The following ZBBX variants were observed in gnomAD, a reference collection of about 807,000 sequenced individuals.
ZBBX encodes zinc finger B-box domain containing.
In ZBBX, 101 loss-of-function variants were observed where a neutral mutation model predicts 108.5. That is an observed-to-expected ratio of 0.93 (90% confidence interval 0.79 to 1.10). The LOEUF is 1.10. ZBBX is among the 50% of genes least tolerant of loss of function. The pLI is 0.00. For synonymous variants in ZBBX, 356 were observed against 323.4 expected, an observed-to-expected ratio of 1.10 and a Z score of -1.08; for missense variants, 1,009 against 941.4, an observed-to-expected ratio of 1.07 and a Z score of -0.94.
chr3:167,386,411 T>C (rs1747924198), intron 1 of ZBBX, among the ~76,000 whole-genome samples: 1 of 152,040 alleles, frequency 6.6e-6, no homozygotes, highest in South Asian at 2.1e-4. Context: ...AGTAACTTTC[T>C]TTATAAGGAA....
At chr3:167,313,117 A>C (rs1734874089) in intron 16 of ZBBX, among the ~76,000 whole-genome samples, 1 of 152,202 alleles carries the variant, frequency 6.6e-6, no homozygotes, top group South Asian at 2.1e-4. Context: ...AAATGGAAAC[A>C]AAATCTGACT....
chr3:167,339,763 T>A (rs940137031), intron 9 of ZBBX, among the ~76,000 whole-genome samples: 5 of 152,126 alleles, frequency 3.3e-5, no homozygotes, highest in Non-Finnish European at 5.9e-5. Flanking sequence ...CAACCCATCA[T>A]CTAGGTTTTA....
intron 11 of ZBBX, among the ~76,000 whole-genome samples, chr3:167,325,895 CTAAAGT>C (rs1380721504): frequency 2.6e-5 from 4 of 152,116 alleles, no homozygotes; most frequent in Non-Finnish European, 4.4e-5. Context: ...ACCAAACTGG[CTAAAGT>C]TAAAGAACCA....
chr3:167,381,597 G>A (rs1417361741), upstream of ZBBX, among the ~76,000 whole-genome samples: 5 of 152,160 alleles, frequency 3.3e-5, no homozygotes, highest in African/African-American at 1.2e-4. Context: ...TCAGGTGGAT[G>A]TGCGATACTA....
chr3:167,192,744 T>G, the ZBBX span, among the ~76,000 whole-genome samples: 139 of 152,330 alleles, frequency 9.1e-4, no homozygotes, highest in African/African-American at 3.3e-3. Flanking sequence ...TGATCTTTTC[T>G]GCTGTTAAGA....
chr3:167,356,125 G>A (rs570283226), intron 8 of ZBBX, among the ~76,000 whole-genome samples: 16 of 152,032 alleles, frequency 1.1e-4, no homozygotes, highest in Middle Eastern at 3.2e-3. Flanking sequence ...TGTATAATTC[G>A]TTTTCAGATC....
chr3:167,405,137 G>A (rs1748544818), intron 1 of ZBBX, among the ~76,000 whole-genome samples: 1 of 152,098 alleles, frequency 6.6e-6, no homozygotes, highest in Non-Finnish European at 1.5e-5. Flanking sequence ...GCTCTCTTTT[G>A]GACACTTTTG....
At chr3:167,365,564 G>A (rs1312097191) in intron 6 of ZBBX, among the ~76,000 whole-genome samples, 1 of 151,566 alleles carries the variant, frequency 6.6e-6, no homozygotes, top group East Asian at 1.9e-4. Flanking sequence ...AATAACAATA[G>A]CTTTCACCTT....
rs529119342 is a variant in ZBBX, at chr3:167,297,320, T to C, written c.1879+985A>G. ...GAAAGGTCTTTTCAACAAATGGTGC[T>C]GGAAAACTTGATATCCATACGCAAA... On this transcript the variant is annotated intron_variant, in intron 18 of 21. Transcript: ENST00000675490. Among the ~76,000 whole-genome samples the C allele has an allele frequency of 1.1e-4, 16 of 152,134 alleles. No individual in the cohort carries two copies. In the East Asian group the frequency reaches 1.2e-3, roughly 11 times the overall value.
downstream of ZBBX, among the ~76,000 whole-genome samples, chr3:167,239,617 T>C (rs1481930788): frequency 6.6e-6 from 1 of 152,118 alleles, no homozygotes; most frequent in African/African-American, 2.4e-5. Context: ...ACATATAACA[T>C]ACAAAATATG....
chr3:167,209,838 C>T, the ZBBX span, among the ~76,000 whole-genome samples: 8 of 152,146 alleles, frequency 5.3e-5, no homozygotes, highest in African/African-American at 1.9e-4. Flanking sequence ...ACCTGTAATC[C>T]CAGCACTTTG....
chr3:167,378,895 C>T (rs1747376572), intron 2 of ZBBX, among the ~76,000 whole-genome samples: 1 of 152,254 alleles, frequency 6.6e-6, no homozygotes, highest in East Asian at 1.9e-4. Flanking sequence ...GTTTATTAAA[C>T]TCATTTGCTA....
intron 9 of ZBBX, among the ~76,000 whole-genome samples, chr3:167,348,348 G>GAAAGAAAGAAAGAA (rs1741971044): frequency 9.4e-6 from 1 of 106,112 alleles, no homozygotes; most frequent in African/African-American, 3.8e-5. Flanking sequence ...AAGAAAGAAA[G>GAAAGAAAGAAAGAA]AAAGAAAGAA....
chr3:167,354,480 T>TTA (rs1259242328), intron 8 of ZBBX, among the ~76,000 whole-genome samples: 3 of 151,822 alleles, frequency 2.0e-5, no homozygotes, highest in Non-Finnish European at 4.4e-5. Context: ...GATGGAATTT[T>TTA]TACTTAATCT....
At chr3:167,218,113 A>C in the ZBBX span, among the ~76,000 whole-genome samples, 1 of 152,060 alleles carries the variant, frequency 6.6e-6, no homozygotes, top group African/African-American at 2.4e-5. Flanking sequence ...TTGAAGTGAG[A>C]GGGTGGGAGG....
At chr3:167,331,731 A>G (rs1425599544) in intron 10 of ZBBX, 2 of 405,044 alleles carry the variant, frequency 4.9e-6, no homozygotes, top group Non-Finnish European at 6.7e-6. Context: ...TCAATGCTGT[A>G]CATTCATTAC....
intron 11 of ZBBX, 130 bp downstream of exon 11, chr3:167,327,812 G>C (rs1026296373): frequency 3.3e-6 from 3 of 908,370 alleles, no homozygotes; most frequent in Non-Finnish European, 4.8e-6. Context: ...TACTCAGAAG[G>C]CTGAGGCAGG....
At chr3:167,394,615 C>T (rs1748175147) in intron 1 of ZBBX, among the ~76,000 whole-genome samples, 1 of 151,652 alleles carries the variant, frequency 6.6e-6, no homozygotes, top group Non-Finnish European at 1.5e-5. Flanking sequence ...TCCTCTGAGA[C>T]AAAAGGTTAC....
chr3:167,330,548 T>C (rs1337849552), intron 10 of ZBBX, among the ~76,000 whole-genome samples: 1 of 151,946 alleles, frequency 6.6e-6, no homozygotes, highest in Non-Finnish European at 1.5e-5. Context: ...TGAGGTTAAA[T>C]GAGATTATGA....
Sources: gnomAD v4.1 joint callset for allele counts (sites outside exome capture counted in the v4.1 genomes callset) on GRCh38, gnomAD v4.1.1 for gene constraint, MANE v1.5 for transcripts, NCBI Gene and HGNC (gene_info 2026-07-23, HGNC 2026-07-21) for gene names.